Variants in THAP1 observed in about 807,000 individuals in gnomAD.
THAP1 encodes the protein THAP domain-containing protein 1.
A neutral mutation model predicts 18.2 loss-of-function variants in THAP1; 6 were observed. The ratio of observed to expected loss-of-function variants is 0.33; its 90% confidence interval spans 0.18 to 0.65. THAP1 has a LOEUF of 0.65. Among genes scored for constraint, THAP1 ranks in the 30% least tolerant of loss-of-function variants. The probability of loss-of-function intolerance (pLI) is 0.74; values close to 1 mark genes in which losing one functional copy is unlikely to be tolerated. For missense variants in THAP1, 176 were observed against 253.0 expected, an observed-to-expected ratio of 0.70 and a Z score of 2.06; for synonymous variants, 85 against 90.5, an observed-to-expected ratio of 0.94 and a Z score of 0.34.
At chr8:42,841,771 G>A (rs4299997) in intron 1 of THAP1, among the ~76,000 whole-genome samples, 24 of 152,258 alleles carry the variant, frequency 1.6e-4, no homozygotes, top group African/African-American at 5.5e-4. Flanking sequence ...CATGTTTACA[G>A]AAATTCCAAT....
rs767519301 is a variant in THAP1 at position 42,838,098 on chromosome 8, C to T, written c.506G>A (p.Arg169Gln). 1.2e-5 allele frequency: 19 copies of T among 1,614,192 alleles called. No homozygotes were observed. The highest frequency in any genetic ancestry group is 1.5e-5 in the Non-Finnish European group (18 of 1,180,044). ...LRKKLKTAQQ[R>Q]CRRQERQLEK... ...AAGCTGCCGTTCTTGCCTTCTGCAT[C>T]GCTGCTGTGCGGTCTTGAGCTTCTT... Residue 169 changes from arginine to glutamine, a missense_variant, in exon 3 of 3, where the codon CGA becomes CAA. Transcript: ENST00000254250.
At chr8:42,842,905 C>T in intron 1 of THAP1, 119 bp downstream of exon 1, 1 of 781,146 alleles carries the variant, frequency 1.3e-6, no homozygotes, top group Non-Finnish European at 1.7e-6. Context: ...CCGACACGGC[C>T]GGCCCCAGAC....
intron 1 of THAP1, among the ~76,000 whole-genome samples, chr8:42,840,527 A>C (rs1250801231): frequency 6.6e-6 from 1 of 152,222 alleles, no homozygotes; most frequent in African/African-American, 2.4e-5. Context: ...TTTCAAATTT[A>C]TGTTTCACAG....
At chr8:42,841,294 C>G in intron 1 of THAP1, among the ~76,000 whole-genome samples, 1 of 95,960 alleles carries the variant, frequency 1.0e-5, no homozygotes, top group African/African-American at 4.4e-5. Flanking sequence ...ACAGTTGTAT[C>G]TTTTTTTTTT....
chr8:42,837,246 TG>T lies in THAP1; in HGVS notation c.*715del, dbSNP rs1175606447. ...GATGACAATGCCTTACTTTATTTAT[TG>T]AAAAATGTTTCTTCCACTGAAAATA... On this transcript the variant is annotated 3_prime_UTR_variant, in exon 3 of 3. Transcript: ENST00000254250. 2 of 152,180 alleles carry T rather than the reference TG, an allele frequency of 1.3e-5. No individual in the cohort carries two copies. Among genetic ancestry groups the T allele is most frequent in the East Asian group, 3.8e-4 (2 of 5,198 alleles). 9.4% of individuals were successfully genotyped at this position (152,180 alleles called of 1,614,324 possible). A position where few individuals can be genotyped will look rare whatever the true frequency, so the allele number is the denominator to read the frequency against.
At chr8:42,842,894 C>T (rs1482103097) in intron 1 of THAP1, 130 bp downstream of exon 1, 16 of 710,714 alleles carry the variant, frequency 2.3e-5, no homozygotes, top group Non-Finnish European at 2.9e-5. Context: ...GTGGGAAACG[C>T]CCGACACGGC....
chr8:42,842,178 G>C (rs1269686621), intron 1 of THAP1, among the ~76,000 whole-genome samples: 1 of 152,154 alleles, frequency 6.6e-6, no homozygotes, highest in Non-Finnish European at 1.5e-5. Context: ...ATTAAAATTT[G>C]TAAACAAATT....
chr8:42,843,064 T>C lies in THAP1; in HGVS notation c.31A>G (p.Lys11Glu). The C allele has an allele frequency of 6.2e-7, 1 of 1,613,960 alleles. No homozygotes were observed. Among genetic ancestry groups the C allele is most frequent in the Non-Finnish European group, 8.5e-7 (1 of 1,179,914 alleles). The part of the protein sequence containing the change: MVQSCSAYGC[K>E]NRYDKDKPVS... ...GGCTTGTCCTTGTCGTAGCGGTTCT[T>C]GCAGCCGTAGGCGGAGCAGGACTGC... Residue 11 changes from lysine to glutamate, a missense_variant, in exon 1 of 3, where the codon AAG (lysine) becomes GAG (glutamate). Transcript: ENST00000254250.
intron 1 of THAP1, 111 bp downstream of exon 1, chr8:42,842,913 G>C: frequency 6.0e-6 from 5 of 832,986 alleles, no homozygotes; most frequent in Admixed American, 5.2e-5. Flanking sequence ...GCCGGCCCCA[G>C]ACCCCACCCG....
Position 42,836,829 on chromosome 8 carries a change from A to G in THAP1, c.*1133T>C, listed in dbSNP as rs1034789544. ...ATAGCAATATTTGTTTACTCAGAAC[A>G]TATTTTCACTTCCAATATATGTAAA... On this transcript the variant is annotated 3_prime_UTR_variant, in exon 3 of 3. Coordinates refer to ENST00000254250, the MANE Select transcript of THAP1 (RefSeq NM_018105.3). 1.3e-5 allele frequency: 2 copies of G among 152,508 alleles called. No individual in the cohort carries two copies. The highest frequency in any genetic ancestry group is 6.5e-5 in the Admixed American group (1 of 15,286). The allele number at this position is 152,508 out of a possible 1,614,324, so 9.4% of individuals were successfully genotyped here.
At position 42,842,774 on chromosome 8, in the gene THAP1, G is replaced by A. The variant is rs182877153; in HGVS notation, c.71+250C>T. On this transcript the variant is annotated intron_variant, in intron 1 of 2. Transcript: ENST00000254250. ...GTGGGCTCCGAACGCGTCAACCCAGGCCGTGAGCGAAGCCTGCAACCAGGG... is the reference window on the plus strand; with the variant it reads ...GTGGGCTCCGAACGCGTCAACCCAGACCGTGAGCGAAGCCTGCAACCAGGG... 746 of 190,672 alleles carry A rather than the reference G, an allele frequency of 3.9e-3. 4 individuals are homozygous for A. Among genetic ancestry groups the A allele is most frequent in the African/African-American group, 0.017 (710 of 42,232 alleles). The allele number at this position is 190,672 out of a possible 1,614,324, so 11.8% of individuals were successfully genotyped here. A position where few individuals can be genotyped will look rare whatever the true frequency, so the allele number is the denominator to read the frequency against.
Position 42,837,184 on chromosome 8 carries a change from G to A in THAP1, c.*778C>T, listed in dbSNP as rs138126515. 55 of 152,290 alleles carry A rather than the reference G, an allele frequency of 3.6e-4. No homozygotes were observed. The highest frequency in any genetic ancestry group is 1.2e-3 in the African/African-American group (48 of 41,570). The allele number at this position is 152,290 out of a possible 1,614,324, so 9.4% of individuals were successfully genotyped here. On this transcript the variant is annotated 3_prime_UTR_variant, in exon 3 of 3. Coordinates refer to ENST00000254250, the MANE Select transcript of THAP1 (RefSeq NM_018105.3). ...CTAGGGTGTAATGAAAGAAAAAAGC[G>A]TATCATAGATCAGGTCCCAGTTTTA...
rs1563644164 is a variant in THAP1, at chr8:42,837,737, G to T, written c.*225C>A. ...AACCAACTTACATTAGAGGTCTGAG[G>T]TTAGTTTATAACTTTTAAAATATTT... is the stretch of plus-strand genomic sequence containing the variant. On this transcript the variant is annotated 3_prime_UTR_variant, in exon 3 of 3. Transcript: ENST00000254250. 1 of 331,472 alleles carries T rather than the reference G, an allele frequency of 3.0e-6. No individual in the cohort carries two copies. Among genetic ancestry groups the T allele is most frequent in the Non-Finnish European group, 5.1e-6 (1 of 194,470 alleles). The allele number at this position is 331,472 out of a possible 1,614,324, so 20.5% of individuals were successfully genotyped here.
Position 42,839,371 on chromosome 8 carries a change from T to A in THAP1, c.82A>T (p.Thr28Ser). Residue 28 changes from threonine to serine, a missense_variant, in exon 2 of 3, where the codon ACT (threonine) becomes TCT (serine). Coordinates refer to ENST00000254250, the MANE Select transcript of THAP1 (RefSeq NM_018105.3). ...KPVSFHKFPL[T>S]RPSLCKEWEA... is the part of the protein sequence containing the mutation. ...CATTCTTTACAAAGACTGGGTCGAG[T>A]AAGAGGAAACCTAAGAAGAAGGCAT... 6.2e-7 allele frequency: 1 copy of A among 1,613,958 alleles called. No individual in the cohort carries two copies. The highest frequency in any genetic ancestry group is 8.5e-7 in the Non-Finnish European group (1 of 1,179,982).
Position 42,838,032 on chromosome 8 carries a change from T to C in THAP1, c.572A>G (p.Asp191Gly). 6.2e-7 allele frequency: 1 copy of C among 1,613,886 alleles called. No homozygotes were observed. Among genetic ancestry groups the C allele is most frequent in the Non-Finnish European group, 8.5e-7 (1 of 1,179,968 alleles). The change falls in exon 3 of 3, where the codon GAC (aspartate) becomes GGC (glycine). Residue 191 changes from aspartate (D) to glycine (G), a missense_variant. Asp to Gly is a moderately conservative substitution (Grantham distance 94). Coordinates refer to ENST00000254250, the MANE Select transcript of THAP1 (RefSeq NM_018105.3). ...KEVVHFQKEKDDVSERGYVIL... is the reference protein window; with the variant it reads ...KEVVHFQKEKGDVSERGYVIL... The stretch of plus-strand genomic sequence containing the variant: ...CACATAACCTCTTTCTGATACGTCG[T>C]CTTTCTCTTTCTGGAAGTGAACAAC...
At chr8:42,842,888 G>C in intron 1 of THAP1, 136 bp downstream of exon 1, 1 of 662,562 alleles carries the variant, frequency 1.5e-6, no homozygotes, top group South Asian at 7.0e-5. Flanking sequence ...GACGCGGTGG[G>C]AAACGCCCGA....
Position 42,843,016 on chromosome 8 carries a change from G to A in THAP1, c.71+8C>T, listed in dbSNP as rs750659053. ...AGACCGGCCCCGCGAGGCGCGCAGG[G>A]TCCTCACTTGTGGAAAGAAACGGGC... On this transcript the variant is annotated splice_region_variant and intron_variant, in intron 1 of 2. Transcript: ENST00000254250. 22 of 1,612,328 alleles carry A rather than the reference G, an allele frequency of 1.4e-5. No homozygotes were observed. The highest frequency in any genetic ancestry group is 1.9e-5 in the Non-Finnish European group (22 of 1,179,112).
intron 1 of THAP1, 57 bp from the exon 2 acceptor site, chr8:42,839,438 C>G (rs983722710): frequency 6.4e-7 from 1 of 1,562,706 alleles, no homozygotes; most frequent in African/African-American, 1.4e-5. Flanking sequence ...AATAAAGGCA[C>G]CCAAACTTTC....
intron 2 of THAP1, 47 bp from the exon 3 acceptor site, chr8:42,838,383 G>A: frequency 6.2e-7 from 1 of 1,605,560 alleles, no homozygotes; most frequent in East Asian, 2.2e-5. Flanking sequence ...ACTAAAAACA[G>A]TTTAAAAGAA....
Sources: gnomAD v4.1 joint callset for allele counts (sites outside exome capture counted in the v4.1 genomes callset) on GRCh38, gnomAD v4.1.1 for gene constraint, MANE v1.5 for transcripts, NCBI Gene and HGNC (gene_info 2026-07-23, HGNC 2026-07-21) for gene names.